WNT3: variants seen among roughly 807,000 people sequenced by gnomAD.
WNT3 encodes Wnt family member 3.
WNT3 carries 7 observed loss-of-function variants against 34.2 expected under a neutral mutation model. The ratio of observed to expected loss-of-function variants is 0.20; its 90% confidence interval spans 0.12 to 0.38. The LOEUF (loss-of-function observed/expected upper bound fraction) is 0.38. Among genes scored for constraint, WNT3 ranks in the 10% least tolerant of loss-of-function variants. WNT3 has a pLI of 1.00. For synonymous variants in WNT3, 212 were observed against 211.5 expected (o/e 1.00, Z -0.02); for missense variants, 267 against 499.8 (o/e 0.53, Z 4.44).
chr17:46,808,672 A>G (rs2084228857), intron 1 of WNT3, among the ~76,000 whole-genome samples: 1 of 152,320 alleles, frequency 6.6e-6, no homozygotes, highest in Admixed American at 6.5e-5. Context: ...CTGTTCCTAG[A>G]TAGAGAAACA....
intron 1 of WNT3, among the ~76,000 whole-genome samples, chr17:46,811,959 GAAAA>G (rs1439725211): frequency 1.3e-5 from 2 of 151,944 alleles, no homozygotes; most frequent in African/African-American, 4.8e-5. Context: ...TCTGTTTCAA[GAAAA>G]AAAGAAAGAA....
chr17:46,775,411 G>T (rs983303774), intron 1 of WNT3, among the ~76,000 whole-genome samples: 3 of 152,136 alleles, frequency 2.0e-5, no homozygotes, highest in African/African-American at 7.2e-5. Context: ...CCGTGCAGGG[G>T]CATGCTACCC....
At chr17:46,794,235 G>A (rs770672812) in intron 1 of WNT3, among the ~76,000 whole-genome samples, 11 of 152,028 alleles carry the variant, frequency 7.2e-5, no homozygotes, top group Non-Finnish European at 1.3e-4. Context: ...GGCATTTCTG[G>A]GACATTGATG....
chr17:46,817,651 T>A (rs1200404629), intron 1 of WNT3, among the ~76,000 whole-genome samples: 1 of 139,334 alleles, frequency 7.2e-6, no homozygotes, highest in Non-Finnish European at 1.6e-5. Flanking sequence ...CAAGCACTGC[T>A]CCCGGCTTCC....
intron 1 of WNT3, among the ~76,000 whole-genome samples, chr17:46,781,623 G>C (rs959431895): frequency 6.6e-6 from 1 of 152,194 alleles, no homozygotes; most frequent in Non-Finnish European, 1.5e-5. Flanking sequence ...TGCTTAATAA[G>C]TACAGAGTTT....
At chr17:46,764,792 G>A (rs953927227) in intron 4 of WNT3, among the ~76,000 whole-genome samples, 171 bp from the exon 5 acceptor site, 1 of 152,220 alleles carries the variant, frequency 6.6e-6, no homozygotes, top group African/African-American at 2.4e-5. Context: ...TGGGCCTGCT[G>A]TTGAGGGAGG....
chr17:46,773,030 T>G (rs1452849062), intron 2 of WNT3, among the ~76,000 whole-genome samples: 3 of 152,134 alleles, frequency 2.0e-5, no homozygotes, highest in Non-Finnish European at 4.4e-5. Context: ...GTTGTCCCAC[T>G]TAGCCTCCCT....
chr17:46,802,100 G>T (rs185632860), intron 1 of WNT3, among the ~76,000 whole-genome samples: 7 of 152,194 alleles, frequency 4.6e-5, no homozygotes, highest in African/African-American at 1.7e-4. Context: ...TTTGGTCTTC[G>T]ACCTAGTTTC....
chr17:46,788,139 G>T (rs555354590), intron 1 of WNT3, among the ~76,000 whole-genome samples: 1 of 152,268 alleles, frequency 6.6e-6, no homozygotes, highest in South Asian at 2.1e-4. Flanking sequence ...ATTCGAGCTG[G>T]GCCTTGAAGT....
At chr17:46,803,034 C>T (rs2084146111) in intron 1 of WNT3, among the ~76,000 whole-genome samples, 1 of 152,150 alleles carries the variant, frequency 6.6e-6, no homozygotes, top group Non-Finnish European at 1.5e-5. Context: ...GGAACTAAGA[C>T]CTCAACCTAT....
At chr17:46,801,037 T>C (rs1183321448) in intron 1 of WNT3, among the ~76,000 whole-genome samples, 1 of 152,166 alleles carries the variant, frequency 6.6e-6, no homozygotes, top group Non-Finnish European at 1.5e-5. Flanking sequence ...ACTCACTGAG[T>C]ACACACCTGA....
chr17:46,818,376 G>A (rs2084380438), intron 1 of WNT3, 142 bp downstream of exon 1: 1 of 783,554 alleles, frequency 1.3e-6, no homozygotes, highest in East Asian at 2.7e-5. Context: ...AGAAAATCCA[G>A]GAGGGGTGGG....
intron 1 of WNT3, among the ~76,000 whole-genome samples, chr17:46,795,691 C>T (rs913922027): frequency 1.3e-5 from 2 of 152,216 alleles, no homozygotes; most frequent in Admixed American, 6.5e-5. Flanking sequence ...TGCTGTTCTG[C>T]GGCACTGCTG....
At chr17:46,798,538 C>A (rs1486793095) in intron 1 of WNT3, among the ~76,000 whole-genome samples, 2 of 152,116 alleles carry the variant, frequency 1.3e-5, no homozygotes, top group African/African-American at 2.4e-5. Context: ...TCTTCTTCAC[C>A]CTGAATTCCT....
At chr17:46,784,868 C>T (rs992788148) in intron 1 of WNT3, among the ~76,000 whole-genome samples, 1 of 151,424 alleles carries the variant, frequency 6.6e-6, no homozygotes, top group Admixed American at 6.6e-5. Flanking sequence ...CTCCACCTCC[C>T]GGGTTCACGC....
In WNT3 at chr17:46,773,651, C is replaced by G; in HGVS notation, c.322+17G>C. 7.3e-7 allele frequency: 1 copy of G among 1,376,148 alleles called. No homozygotes were observed. Among genetic ancestry groups the G allele is most frequent in the Non-Finnish European group, 9.7e-7 (1 of 1,029,332 alleles). The allele number at this position is 1,376,148 out of a possible 1,614,324, so 85.2% of individuals were successfully genotyped here. ...CCCCACCCAGCCCCTCCCCCCCCCT[C>G]AGCCCCAAGGCAGTACCTTTGTCGA... On this transcript the variant is annotated intron_variant, in intron 2 of 4. Transcript: ENST00000225512.
At chr17:46,782,236 C>T (rs764574484) in intron 1 of WNT3, among the ~76,000 whole-genome samples, 2 of 152,258 alleles carry the variant, frequency 1.3e-5, no homozygotes, top group African/African-American at 4.8e-5. Context: ...CATCTTAAGA[C>T]TCTGATCTGA....
In WNT3 at chr17:46,768,214, TAGAAAC is replaced by T; in HGVS notation, c.*8+92_*8+97del. The T allele has an allele frequency of 6.4e-7, 1 of 1,551,680 alleles. No individual in the cohort carries two copies. Among genetic ancestry groups the T allele is most frequent in the Non-Finnish European group, 8.7e-7 (1 of 1,145,358 alleles). ...GGGAACTTGTGTGTCTTGGATAGCTTAGAAACAGAAGGGGGTCGTCAAGAAGACGAG... is the reference window on the plus strand; with the variant it reads ...GGGAACTTGTGTGTCTTGGATAGCTTAGAAGGGGGTCGTCAAGAAGACGAG... On this transcript the variant is annotated intron_variant, in intron 4 of 4. Transcript: ENST00000225512. This position sits in a 1 kb window ranked among gnomAD's most constrained non-coding sequence, Gnocchi z 5.0.
intron 2 of WNT3, among the ~76,000 whole-genome samples, chr17:46,770,446 G>A (rs1044096647): frequency 2.0e-5 from 3 of 152,170 alleles, no homozygotes; most frequent in Non-Finnish European, 4.4e-5. Flanking sequence ...ACAGGCCTGA[G>A]CCCTCCCACG....
Sources: allele counts gnomAD v4.1 joint callset (sites outside exome capture counted in the v4.1 genomes callset), GRCh38; gene constraint gnomAD v4.1.1; non-coding constraint Gnocchi (gnomAD v3.1); transcripts MANE v1.5; gene names NCBI Gene and HGNC (gene_info 2026-07-23, HGNC 2026-07-21).